ANO3: variants seen among roughly 807,000 people sequenced by gnomAD.
ANO3 encodes anoctamin 3.
In ANO3, 99 loss-of-function variants were observed where a neutral mutation model predicts 144.8. The ratio of observed to expected loss-of-function variants is 0.68; its 90% CI spans 0.58 to 0.81. ANO3 has a LOEUF of 0.81. Ranked by LOEUF, ANO3 falls within the 30% of genes least tolerant of loss-of-function variation. The pLI is 0.00. For synonymous variants in ANO3, 414 were observed against 392.6 expected, an observed-to-expected ratio of 1.05 and a Z score of -0.64; for missense variants, 905 against 1,202.2, an observed-to-expected ratio of 0.75 and a Z score of 3.66.
chr11:26,534,737 A>C (rs978314172), intron 9 of ANO3, among the ~76,000 whole-genome samples, 175 bp downstream of exon 9: 1 of 152,182 alleles, frequency 6.6e-6, no homozygotes, highest in Non-Finnish European at 1.5e-5. Context: ...AACAAAAAAA[A>C]CTTTTTTGAG....
At position 26,534,632 on chromosome 11, in the gene ANO3, T is replaced by A. The variant is rs1027233084; in HGVS notation, c.976+70T>A. The A allele has an allele frequency of 1.0e-5, 11 of 1,070,838 alleles. No homozygotes were observed. In the African/African-American group the frequency reaches 1.7e-4, roughly 17 times the overall value. The allele number at this position is 1,070,838 out of a possible 1,614,324, so 66.3% of individuals were successfully genotyped here. ...TTATACCCAGAATTATTGTTTTTTT[T>A]AACAGCTGTAGCTTTGCTTTAATTC... is the stretch of plus-strand genomic sequence containing the variant. On this transcript the variant is annotated intron_variant, in intron 9 of 26. Transcript: ENST00000256737.
intron 1 of ANO3, among the ~76,000 whole-genome samples, chr11:26,419,964 G>A (rs1483064499): frequency 1.3e-5 from 2 of 152,076 alleles, no homozygotes; most frequent in Non-Finnish European, 2.9e-5. Context: ...GAGGACACTC[G>A]TTGCACCTCC....
chr11:26,263,797 G>A (rs1398987606), intron 1 of ANO3, among the ~76,000 whole-genome samples: 1 of 152,162 alleles, frequency 6.6e-6, no homozygotes, highest in East Asian at 1.9e-4. Context: ...TGGAAACTCT[G>A]TGGAAATTGA....
chr11:26,543,461 CT>C (rs1554967572), intron 11 of ANO3, among the ~76,000 whole-genome samples: 3 of 84,624 alleles, frequency 3.5e-5, no homozygotes, highest in African/African-American at 7.4e-5. Context: ...CTTTTAATTT[CT>C]TTTTTTTTAA....
At chr11:26,329,864 G>A (rs1441357036), upstream of ANO3, among the ~76,000 whole-genome samples, 1 of 149,922 alleles carries the variant, frequency 6.7e-6, no homozygotes, top group Non-Finnish European at 1.5e-5. Context: ...CCAGGCTGGA[G>A]TGCGGTGGTG....
At chr11:26,590,036 G>T (rs1281117937) in intron 14 of ANO3, among the ~76,000 whole-genome samples, 1 of 152,136 alleles carries the variant, frequency 6.6e-6, no homozygotes, top group Non-Finnish European at 1.5e-5. Context: ...CCTTCTCCAA[G>T]GTTAGAAACC....
intron 1 of ANO3, among the ~76,000 whole-genome samples, chr11:26,405,893 A>G (rs528615921): frequency 6.6e-6 from 1 of 151,954 alleles, no homozygotes; most frequent in African/African-American, 2.4e-5. Context: ...CTGAAATTTC[A>G]TAAGGTGTCC....
intron 22 of ANO3, among the ~76,000 whole-genome samples, chr11:26,642,498 C>A (rs540729344): frequency 1.4e-5 from 2 of 147,344 alleles, no homozygotes; most frequent in Admixed American, 1.3e-4. Flanking sequence ...ATTACAGGTG[C>A]ACATGACCAT....
chr11:26,251,711 A>G (rs1410712171), intron 1 of ANO3, among the ~76,000 whole-genome samples: 2 of 152,186 alleles, frequency 1.3e-5, no homozygotes, highest in Non-Finnish European at 2.9e-5. Flanking sequence ...GCCTCAGGAA[A>G]CTTACAATAA....
At chr11:26,245,654 C>T (rs1852774082) in intron 1 of ANO3, among the ~76,000 whole-genome samples, 1 of 152,024 alleles carries the variant, frequency 6.6e-6, no homozygotes, top group Admixed American at 6.6e-5. Flanking sequence ...TGATAGTTTG[C>T]TAAAAAGTCA....
chr11:26,474,084 C>T (rs1590392598), intron 4 of ANO3: 2 of 984,944 alleles, frequency 2.0e-6, no homozygotes, highest in African/African-American at 1.7e-5. Context: ...CTGTTGTCAG[C>T]AATGAAGGAT....
intron 17 of ANO3, among the ~76,000 whole-genome samples, chr11:26,600,345 T>TTCCTCTCCCCTC (rs1851762876): frequency 2.2e-5 from 1 of 45,094 alleles, no homozygotes; most frequent in Non-Finnish European, 4.2e-5. Flanking sequence ...CCCCTCTCCT[T>TTCCTCTCCCCTC]TCCTCTCCCC....
At chr11:26,465,428 A>G (rs1298028092) in intron 4 of ANO3, among the ~76,000 whole-genome samples, 1 of 151,806 alleles carries the variant, frequency 6.6e-6, no homozygotes, top group Admixed American at 6.6e-5. Context: ...TTTTATTTCT[A>G]CACAAAAGTT....
intron 23 of ANO3, among the ~76,000 whole-genome samples, chr11:26,643,648 G>A (rs755013786): frequency 9.2e-4 from 140 of 152,130 alleles, no homozygotes; most frequent in Non-Finnish European, 1.7e-3. Context: ...CCAGCTACTC[G>A]GGAGGCTGAG....
intron 1 of ANO3, among the ~76,000 whole-genome samples, chr11:26,199,768 G>A (rs1221924536): frequency 1.3e-5 from 2 of 152,328 alleles, no homozygotes; most frequent in African/African-American, 4.8e-5. Flanking sequence ...CTTGGCAGTT[G>A]CAGCATATAA....
Position 26,323,276 on chromosome 11 carries a change from G to A in ANO3, c.-3+13557G>A, listed in dbSNP as rs142662571. ...GGGTGCTAGGTGCTATTAGGGTCTT[G>A]TTTATTTTAGCTTCTCTTGAGTACA... On this transcript the variant is annotated intron_variant, in intron 1 of 26. Coordinates refer to the ANO3 transcript ENST00000525139. Among the ~76,000 whole-genome samples the A allele has an allele frequency of 1.6e-4, 25 of 152,194 alleles. No homozygotes were observed. The East Asian group carries it at 4.6e-3, about 28-fold the overall frequency.
chr11:26,374,770 G>T (rs141914668), intron 1 of ANO3, among the ~76,000 whole-genome samples: 1 of 152,186 alleles, frequency 6.6e-6, no homozygotes, highest in Admixed American at 6.5e-5. Context: ...TTTTGAGACA[G>T]TCTTGCTCTG....
intron 1 of ANO3, among the ~76,000 whole-genome samples, chr11:26,245,216 C>T (rs1382008772): frequency 6.6e-6 from 1 of 152,032 alleles, no homozygotes; most frequent in African/African-American, 2.4e-5. Flanking sequence ...GTCAATTGGT[C>T]CCATTTTTGA....
intron 2 of ANO3, among the ~76,000 whole-genome samples, chr11:26,442,677 A>G (rs1858563680): frequency 6.6e-6 from 1 of 152,188 alleles, no homozygotes; most frequent in African/African-American, 2.4e-5. Context: ...CCACTAAGAC[A>G]CACACTATCC....
Sources: allele counts gnomAD v4.1 joint callset (sites outside exome capture counted in the v4.1 genomes callset), GRCh38; gene constraint gnomAD v4.1.1; transcripts MANE v1.5; gene names NCBI Gene and HGNC (gene_info 2026-07-23, HGNC 2026-07-21).